Variants in CRYM observed in about 807,000 individuals in gnomAD.
CRYM encodes the protein ketimine reductase mu-crystallin.
A neutral mutation model predicts 32.9 loss-of-function variants in CRYM; 18 were observed. The ratio of observed to expected loss-of-function variants is 0.55; its 90% CI spans 0.38 to 0.81. The LOEUF (loss-of-function observed/expected upper bound fraction) is 0.81, where lower values mean the gene tolerates loss of function less well. Among genes scored for constraint, CRYM ranks in the 30% least tolerant of loss-of-function variants. The pLI is 0.00. For synonymous variants in CRYM, 153 were observed against 152.4 expected, an observed-to-expected ratio of 1.00 and a Z score of -0.03; for missense variants, 337 against 393.5, an observed-to-expected ratio of 0.86 and a Z score of 1.21.
chr16:21,294,983 CCA>C (rs1443027228), intron 1 of CRYM, among the ~76,000 whole-genome samples: 1 of 152,180 alleles, frequency 6.6e-6, no homozygotes, highest in Admixed American at 6.5e-5. Flanking sequence ...GCGTGAACCA[CCA>C]CACCGTGCTG....
At chr16:21,287,959 G>A (rs969789304) in intron 1 of CRYM, among the ~76,000 whole-genome samples, 1 of 152,202 alleles carries the variant, frequency 6.6e-6, no homozygotes, top group African/African-American at 2.4e-5. Context: ...TTCCCTATTT[G>A]TGGCTGTGTC....
At chr16:21,261,075 A>C in intron 7 of CRYM, 179 bp downstream of exon 7, 2 of 660,602 alleles carry the variant, frequency 3.0e-6, no homozygotes, top group Admixed American at 4.2e-5. Context: ...CTGACCCAGG[A>C]CTGCTCAGTT....
intron 1 of CRYM, among the ~76,000 whole-genome samples, chr16:21,294,916 C>T (rs1403484178): frequency 3.3e-5 from 5 of 152,038 alleles, no homozygotes; most frequent in East Asian, 3.9e-4. Flanking sequence ...AGGATGGTCT[C>T]GATCTCCTGA....
Position 21,276,462 on chromosome 16 carries a change from T to C in CRYM, c.325-868A>G, listed in dbSNP as rs145428375. 3.8e-3 allele frequency among the ~76,000 whole-genome samples: 579 copies of C among 152,294 alleles called. 2 individuals carry two copies. The highest frequency in any genetic ancestry group is 7.0e-3 in the South Asian group (34 of 4,830). Reference sequence around the variant, plus strand: ...GAAATTCAGGGGAAAAGGAGGGACATTGTAAGACCCAGCTTGGAGCGCACA... The same window carrying C: ...GAAATTCAGGGGAAAAGGAGGGACACTGTAAGACCCAGCTTGGAGCGCACA... On this transcript the variant is annotated intron_variant, in intron 2 of 7. Coordinates refer to ENST00000572914, the MANE Select transcript of CRYM (RefSeq NM_001376256.1).
intron 7 of CRYM, among the ~76,000 whole-genome samples, chr16:21,259,103 T>A (rs911575503): frequency 1.4e-5 from 2 of 146,178 alleles, no homozygotes; most frequent in Admixed American, 6.9e-5. Context: ...TTTTTTTTAA[T>A]TTTTTTTTTT....
intron 5 of CRYM, among the ~76,000 whole-genome samples, chr16:21,264,419 A>G (rs226050): frequency 0.37 from 55,897 of 151,894 alleles, 12,297 homozygotes; most frequent in African/African-American, 0.62. Context: ...AAGAGAGAGA[A>G]GCCTGACTCA....
chr16:21,260,382 C>T (rs2152861080), intron 7 of CRYM, among the ~76,000 whole-genome samples: 1 of 152,254 alleles, frequency 6.6e-6, no homozygotes, highest in African/African-American at 2.4e-5. Flanking sequence ...TCACTACAAC[C>T]TCCACCTTCC....
At chr16:21,295,847 G>T (rs991581236) in intron 1 of CRYM, among the ~76,000 whole-genome samples, 1 of 151,832 alleles carries the variant, frequency 6.6e-6, no homozygotes, top group Non-Finnish European at 1.5e-5. Flanking sequence ...GAGGAGAATC[G>T]CTTGAACCCA....
intron 1 of CRYM, among the ~76,000 whole-genome samples, chr16:21,297,997 T>C (rs1203196015): frequency 6.6e-6 from 1 of 152,256 alleles, no homozygotes; most frequent in East Asian, 1.9e-4. Context: ...TGTTTAAATC[T>C]TCTTACCAAT....
At chr16:21,265,506 T>C (rs1172711438) in intron 5 of CRYM, among the ~76,000 whole-genome samples, 1 of 152,216 alleles carries the variant, frequency 6.6e-6, no homozygotes, top group African/African-American at 2.4e-5. Context: ...TCCGGTCTCA[T>C]CTTTAGCCAG....
intron 1 of CRYM, among the ~76,000 whole-genome samples, chr16:21,293,947 AAACT>A (rs1369064970): frequency 6.6e-6 from 1 of 152,206 alleles, no homozygotes; most frequent in Non-Finnish European, 1.5e-5. Flanking sequence ...CTGCCAAAGG[AAACT>A]AACCACAAAG....
upstream of CRYM, among the ~76,000 whole-genome samples, chr16:21,280,037 C>T (rs1040375723): frequency 4.6e-5 from 7 of 152,246 alleles, no homozygotes; most frequent in South Asian, 4.1e-4. Context: ...TGGCCCATCA[C>T]GTGTGCTGTT....
chr16:21,293,355 A>G (rs1211319724), intron 1 of CRYM, among the ~76,000 whole-genome samples: 1 of 152,200 alleles, frequency 6.6e-6, no homozygotes, highest in Non-Finnish European at 1.5e-5. Context: ...GTGCTACAGG[A>G]GACAGTGAAC....
intron 2 of CRYM, 53 bp from the exon 3 acceptor site, chr16:21,275,647 AT>A (rs1284161475): frequency 9.9e-6 from 14 of 1,407,434 alleles, no homozygotes; most frequent in Non-Finnish European, 1.3e-5. Context: ...CACTGCATAA[AT>A]TAGAAGAAAC....
At chr16:21,278,412 T>A, upstream of CRYM, 1 of 837,256 alleles carries the variant, frequency 1.2e-6, no homozygotes, top group South Asian at 1.6e-5. Context: ...AGCCCTCTCC[T>A]CCCCCTTCGC....
At chr16:21,291,125 C>T (rs1960641740) in intron 1 of CRYM, among the ~76,000 whole-genome samples, 1 of 151,974 alleles carries the variant, frequency 6.6e-6, no homozygotes, top group Admixed American at 6.6e-5. Flanking sequence ...TTTTGTTATC[C>T]TGGGACAGTT....
chr16:21,259,389 T>C (rs1011219821), intron 7 of CRYM, among the ~76,000 whole-genome samples: 9 of 152,048 alleles, frequency 5.9e-5, no homozygotes, highest in Non-Finnish European at 1.2e-4. Context: ...CTTACAGGCA[T>C]GAGCCACCAC....
chr16:21,292,289 T>C (rs766666188), intron 1 of CRYM, among the ~76,000 whole-genome samples: 7 of 152,210 alleles, frequency 4.6e-5, no homozygotes, highest in South Asian at 2.1e-4. Context: ...GAAATATCTA[T>C]TGCTAATATC....
intron 3 of CRYM, among the ~76,000 whole-genome samples, chr16:21,272,293 G>C (rs371143332): frequency 6.6e-6 from 1 of 152,252 alleles, no homozygotes; most frequent in African/African-American, 2.4e-5. Context: ...GAGTCTGAAA[G>C]TCTGTTTCAT....
Sources: gnomAD v4.1 joint callset for allele counts (sites outside exome capture counted in the v4.1 genomes callset) on GRCh38, gnomAD v4.1.1 for gene constraint, MANE v1.5 for transcripts, NCBI Gene and HGNC (gene_info 2026-07-23, HGNC 2026-07-21) for gene names.